The following SHOC2 variants were observed in gnomAD, a reference collection of about 807,000 sequenced individuals.
SHOC2 encodes leucine-rich repeat protein SHOC-2.
A neutral mutation model predicts 50.2 loss-of-function variants in SHOC2; 4 were observed. The observed-to-expected ratio is 0.08, with a 90% CI of 0.04 to 0.18. The LOEUF is 0.18. SHOC2 is among the 10% of genes least tolerant of loss of function. The pLI is 1.00. For synonymous variants in SHOC2, 218 were observed against 244.5 expected (o/e 0.89, Z 1.01); for missense variants, 388 against 669.6 (o/e 0.58, Z 4.64).
chr10:111,008,077 G>T (rs1413146975), intron 6 of SHOC2, among the ~76,000 whole-genome samples: 1 of 148,238 alleles, frequency 6.7e-6, no homozygotes, highest in African/African-American at 2.5e-5. Context: ...ATTGATTATT[G>T]TCTTTGTTGT....
chr10:110,933,879 AAC>A (rs1270627173), intron 1 of SHOC2, among the ~76,000 whole-genome samples: 1 of 151,996 alleles, frequency 6.6e-6, no homozygotes, highest in Non-Finnish European at 1.5e-5. Context: ...TTTTTTTTTT[AAC>A]GAAAGTTTGG....
At chr10:110,972,824 C>A (rs891020316) in intron 2 of SHOC2, among the ~76,000 whole-genome samples, 4 of 151,948 alleles carry the variant, frequency 2.6e-5, no homozygotes, top group African/African-American at 9.7e-5. Context: ...GTGGCAGAGA[C>A]CCTGTCTCAG....
At chr10:110,944,664 C>G (rs969560572) in intron 1 of SHOC2, among the ~76,000 whole-genome samples, 7 of 152,216 alleles carry the variant, frequency 4.6e-5, no homozygotes, top group African/African-American at 1.7e-4. Flanking sequence ...ATTTTGCCCT[C>G]TCTTCAGGGT....
intron 2 of SHOC2, among the ~76,000 whole-genome samples, chr10:110,972,294 T>C (rs1406084639): frequency 1.3e-5 from 2 of 152,118 alleles, no homozygotes; most frequent in South Asian, 2.1e-4. Context: ...CTTGAAATTC[T>C]CTCAGGACTG....
chr10:110,940,086 A>G (rs902019530), intron 1 of SHOC2, among the ~76,000 whole-genome samples: 1 of 152,228 alleles, frequency 6.6e-6, no homozygotes, highest in Non-Finnish European at 1.5e-5. Context: ...TTTCTCTTTT[A>G]AATAGCAGAA....
rs1564732728 is a variant in SHOC2, at chr10:111,013,001, TC to T, written c.*1184del. ...ATATGGGGCACTGGCTTCAAACAAT[TC>T]AGTTCAGTATCATTACTTTTAATCT... On this transcript the variant is annotated 3_prime_UTR_variant, in exon 9 of 9. Coordinates refer to ENST00000369452, the MANE Select transcript of SHOC2 (RefSeq NM_007373.4). 1 of 152,670 alleles carries T rather than the reference TC, an allele frequency of 6.6e-6. No homozygotes were observed. Among genetic ancestry groups the T allele is most frequent in the Non-Finnish European group, 1.5e-5 (1 of 68,048 alleles). 9.5% of individuals were successfully genotyped at this position (152,670 alleles called of 1,614,324 possible).
At position 110,943,602 on chromosome 10, in the gene SHOC2, T is replaced by G. The variant is rs537283184; in HGVS notation, c.-234-20523T>G. ...TTACCTAAGTGAACATGGGCTATCA[T>G]GACCTTCTGTGAGCCTGTGTCTTCA... is the stretch of plus-strand genomic sequence containing the variant. On this transcript the variant is annotated intron_variant, in intron 1 of 8. Coordinates refer to ENST00000369452, the MANE Select transcript of SHOC2 (RefSeq NM_007373.4). 3.3e-5 allele frequency among the ~76,000 whole-genome samples: 5 copies of G among 152,348 alleles called. No homozygotes were observed. In the South Asian group the frequency reaches 1.0e-3, roughly 32 times the overall value.
intron 1 of SHOC2, among the ~76,000 whole-genome samples, chr10:110,925,237 T>A (rs1846743704): frequency 6.6e-6 from 1 of 152,008 alleles, no homozygotes; most frequent in Non-Finnish European, 1.5e-5. Context: ...GAGTACACTT[T>A]AAAAAACACT....
chr10:111,008,821 G>A (rs549043385), intron 6 of SHOC2, among the ~76,000 whole-genome samples: 2 of 151,970 alleles, frequency 1.3e-5, no homozygotes, highest in Non-Finnish European at 1.5e-5. Flanking sequence ...ACCCCCTTCA[G>A]TATCTTCCAG....
Position 111,009,307 on chromosome 10 carries a change from G to A in SHOC2, c.1344G>A (p.Arg448=), listed in dbSNP as rs1309539987. 2.5e-6 allele frequency: 4 copies of A among 1,599,772 alleles called. No homozygotes were observed. The highest frequency in any genetic ancestry group is 1.3e-5 in the African/African-American group (1 of 74,576). Residue 448 remains arginine (R), a synonymous_variant, in exon 7 of 9, where the codon AGG becomes AGA. Transcript: ENST00000369452. Reference sequence around the variant, plus strand: ...TTCCCCATGGTCTTGGAAACCTTAGGAAGTTAAGAGAGTTGGATCTAGAAG... The same window carrying A: ...TTCCCCATGGTCTTGGAAACCTTAGAAAGTTAAGAGAGTTGGATCTAGAAG... ...KKLPHGLGNL[R]KLRELDLEEN...
intron 4 of SHOC2, among the ~76,000 whole-genome samples, chr10:111,002,567 C>G (rs1255909204): frequency 1.3e-5 from 2 of 152,138 alleles, no homozygotes; most frequent in African/African-American, 4.8e-5. Flanking sequence ...CTCATTTAAT[C>G]TTTATCATAA....
chr10:111,006,945 T>G (rs952213263), intron 5 of SHOC2, among the ~76,000 whole-genome samples: 5 of 152,232 alleles, frequency 3.3e-5, no homozygotes, highest in Admixed American at 2.6e-4. Context: ...ATTTACTGTT[T>G]CCTCTGTTTT....
At chr10:110,975,256 C>T (rs1449672092) in intron 2 of SHOC2, among the ~76,000 whole-genome samples, 7 of 151,500 alleles carry the variant, frequency 4.6e-5, no homozygotes, top group Non-Finnish European at 7.4e-5. Context: ...TCTGGGTTCA[C>T]GCCATTCTCC....
intron 2 of SHOC2, among the ~76,000 whole-genome samples, chr10:110,979,637 T>C (rs1847936965): frequency 6.6e-6 from 1 of 152,242 alleles, no homozygotes; most frequent in African/African-American, 2.4e-5. Context: ...AGCTCAGTGT[T>C]TGCAGATGTT....
chr10:110,964,927 G>C lies in SHOC2; in HGVS notation c.569G>C (p.Arg190Thr), dbSNP rs745320663. Residue 190 changes from arginine to threonine, a missense_variant, in exon 2 of 9, where the codon AGG becomes ACG. Arg to Thr is a moderately conservative substitution (Grantham distance 71). Transcript: ENST00000369452. This position sits in a 1 kb window ranked among gnomAD's most constrained non-coding sequence, Gnocchi z 4.9. ...KLREIPSVVY[R>T]LDSLTTLYLR... ...AGAGAAATTCCTTCAGTGGTGTATA[G>C]GCTGGATTCTCTCACCACTCTTTAC... 6.2e-7 allele frequency: 1 copy of C among 1,613,632 alleles called. No homozygotes were observed. Among genetic ancestry groups the C allele is most frequent in the South Asian group, 1.1e-5 (1 of 91,088 alleles).
At chr10:111,003,278 C>T (rs1848412871) in intron 4 of SHOC2, among the ~76,000 whole-genome samples, 1 of 152,190 alleles carries the variant, frequency 6.6e-6, no homozygotes. Flanking sequence ...TAAAAACATA[C>T]ATACCTCATA....
chr10:110,927,684 G>T (rs1173387764), intron 1 of SHOC2, among the ~76,000 whole-genome samples: 3 of 152,132 alleles, frequency 2.0e-5, no homozygotes, highest in African/African-American at 7.2e-5. Context: ...TAGTACAACA[G>T]AATATGAGTA....
intron 1 of SHOC2, among the ~76,000 whole-genome samples, chr10:110,938,687 A>G (rs184615814): frequency 2.3e-4 from 35 of 152,334 alleles, no homozygotes; most frequent in Admixed American, 4.6e-4. Flanking sequence ...TTAAAGGAAG[A>G]GTATAATTAG....
chr10:110,959,271 A>T (rs938010688), intron 1 of SHOC2, among the ~76,000 whole-genome samples: 2 of 152,216 alleles, frequency 1.3e-5, no homozygotes, highest in Admixed American at 6.5e-5. Context: ...AGTATCAGTG[A>T]TCATCAGAAA....
Sources: gnomAD v4.1 joint callset for allele counts (sites outside exome capture counted in the v4.1 genomes callset) on GRCh38, gnomAD v4.1.1 for gene constraint, Gnocchi (gnomAD v3.1) non-coding constraint, MANE v1.5 for transcripts, NCBI Gene and HGNC (gene_info 2026-07-23, HGNC 2026-07-21) for gene names.